Variants in DCDC1 observed in about 807,000 individuals in gnomAD.
DCDC1 encodes the protein doublecortin domain containing 1.
In DCDC1, 200 loss-of-function variants were observed where a neutral mutation model predicts 178.3. The ratio of observed to expected loss-of-function variants is 1.12; its 90% confidence interval spans 1.00 to 1.26. DCDC1 has a LOEUF of 1.26. Among genes scored for constraint, DCDC1 ranks in the 50% most tolerant of loss-of-function variants. DCDC1 has a pLI of 0.00. For missense variants in DCDC1, 1,983 were observed against 1,749.2 expected, an observed-to-expected ratio of 1.13 and a Z score of -2.38; for synonymous variants, 690 against 604.8, an observed-to-expected ratio of 1.14 and a Z score of -2.07.
At chr11:30,891,553 C>A (rs1943776877) in intron 36 of DCDC1, among the ~76,000 whole-genome samples, 1 of 152,132 alleles carries the variant, frequency 6.6e-6, no homozygotes, top group African/African-American at 2.4e-5. Flanking sequence ...TACTTAAGTG[C>A]ATTTTAACAC....
intron 8 of DCDC1, among the ~76,000 whole-genome samples, chr11:31,259,980 A>G (rs1468440920): frequency 6.6e-6 from 1 of 152,050 alleles, no homozygotes; most frequent in African/African-American, 2.4e-5. Context: ...AATGTGCTGG[A>G]TATGTTGTTG....
intron 9 of DCDC1, among the ~76,000 whole-genome samples, chr11:31,163,633 G>GTA (rs1332706713): frequency 6.6e-6 from 1 of 152,126 alleles, no homozygotes; most frequent in Admixed American, 6.5e-5. Flanking sequence ...GCCTGAAATA[G>GTA]TATAAAACCC....
intron 20 of DCDC1, among the ~76,000 whole-genome samples, chr11:31,033,378 A>G (rs1953799672): frequency 6.6e-6 from 1 of 152,082 alleles, no homozygotes; most frequent in Non-Finnish European, 1.5e-5. Flanking sequence ...AGGTCATTTA[A>G]CATCTATCCT....
At chr11:31,191,906 A>G (rs1439519283) in intron 9 of DCDC1, among the ~76,000 whole-genome samples, 5 of 152,058 alleles carry the variant, frequency 3.3e-5, no homozygotes, top group African/African-American at 4.8e-5. Context: ...AAAGAAGTTT[A>G]TATTACGAAT....
At chr11:31,071,328 C>G (rs951925258) in intron 18 of DCDC1, among the ~76,000 whole-genome samples, 3 of 152,110 alleles carry the variant, frequency 2.0e-5, no homozygotes, top group African/African-American at 7.2e-5. Context: ...CTAAGTAGTA[C>G]TATAATGGAC....
At chr11:31,072,617 C>T (rs1956636829) in intron 18 of DCDC1, among the ~76,000 whole-genome samples, 1 of 151,954 alleles carries the variant, frequency 6.6e-6, no homozygotes, top group South Asian at 2.1e-4. Flanking sequence ...TTTAATTTAG[C>T]TGAAACTATG....
chr11:30,873,364 T>TATAGAG (rs1228106379), intron 38 of DCDC1, among the ~76,000 whole-genome samples: 8 of 137,086 alleles, frequency 5.8e-5, no homozygotes, highest in African/African-American at 1.9e-4. Flanking sequence ...TATATATATA[T>TATAGAG]AGAGAGAGAG....
intron 9 of DCDC1, among the ~76,000 whole-genome samples, chr11:31,216,394 A>G (rs1973566744): frequency 6.6e-6 from 1 of 152,176 alleles, no homozygotes; most frequent in African/African-American, 2.4e-5. Flanking sequence ...TTCAGAATCC[A>G]TGAAGGTGCT....
chr11:31,182,897 T>C (rs1175661967), intron 9 of DCDC1, among the ~76,000 whole-genome samples: 1 of 150,906 alleles, frequency 6.6e-6, no homozygotes, highest in Non-Finnish European at 1.5e-5. Context: ...AATAAAGGGA[T>C]GGAGGAATAC....
In DCDC1 at chr11:30,993,504, C is replaced by T. The variant is rs138644979; in HGVS notation, c.2592-40936G>A. ...GAGCATAGGTCAATGAAATTGAAAA[C>T]CAATGAACAACAGAGAAAATCAATG... On this transcript the variant is annotated intron_variant, in intron 20 of 38. Coordinates refer to ENST00000684477, the MANE Select transcript of DCDC1 (RefSeq NM_001387274.1). 8.7e-3 allele frequency among the ~76,000 whole-genome samples: 1,326 copies of T among 151,960 alleles called. 31 individuals carry two copies. Among genetic ancestry groups the T allele is most frequent in the Admixed American group, 0.041 (625 of 15,226 alleles).
rs1948461921 is a variant in DCDC1, at chr11:31,306,405, A to C, written c.435-17T>G. ...TCTGCAACCCTGAAGAAAAAGAAAA[A>C]CAGAAAAATTGATGCATGCTAATTA... is the stretch of plus-strand genomic sequence containing the variant. On this transcript the variant is annotated splice_polypyrimidine_tract_variant and intron_variant, in intron 4 of 38. Transcript: ENST00000684477. 4 of 1,574,026 alleles carry C rather than the reference A, an allele frequency of 2.5e-6. No individual in the cohort carries two copies. The highest frequency in any genetic ancestry group is 3.4e-6 in the Non-Finnish European group (4 of 1,166,424).
Position 30,920,941 on chromosome 11 carries a change from C to T in DCDC1, c.3134-6G>A. On this transcript the variant is annotated splice_polypyrimidine_tract_variant and splice_region_variant and intron_variant, in intron 24 of 38. Transcript: ENST00000684477. ...TTGGACTTCTAAAACAAGAGCTGAG[C>T]AGAAATTCACAAATTGCAAAGACAT... is the stretch of plus-strand genomic sequence containing the variant. 3 of 1,604,252 alleles carry T rather than the reference C, an allele frequency of 1.9e-6. No homozygotes were observed. Among genetic ancestry groups the T allele is most frequent in the Non-Finnish European group, 2.6e-6 (3 of 1,174,732 alleles).
At chr11:31,160,106 C>T (rs1966159172) in intron 9 of DCDC1, among the ~76,000 whole-genome samples, 1 of 152,188 alleles carries the variant, frequency 6.6e-6, no homozygotes, top group East Asian at 1.9e-4. Flanking sequence ...TCATTTGAGG[C>T]TTTCCTTCAT....
intron 27 of DCDC1, among the ~76,000 whole-genome samples, chr11:30,913,701 G>T (rs1945621190): frequency 6.6e-6 from 1 of 152,190 alleles, no homozygotes; most frequent in African/African-American, 2.4e-5. Context: ...GTTATACATG[G>T]TTAGATTTTC....
At chr11:31,211,793 A>G (rs1209055329) in intron 9 of DCDC1, among the ~76,000 whole-genome samples, 2 of 152,172 alleles carry the variant, frequency 1.3e-5, no homozygotes, top group African/African-American at 4.8e-5. Context: ...TTTAAAAAAA[A>G]GCTAAGCAGC....
rs114884535 is a variant in DCDC1, at chr11:31,097,141, C to T, written c.1984-2957G>A. Among the ~76,000 whole-genome samples the T allele has an allele frequency of 5.3e-3, 801 of 152,316 alleles. 10 individuals are homozygous for T. The highest frequency in any genetic ancestry group is 0.018 in the African/African-American group (765 of 41,568). On this transcript the variant is annotated intron_variant, in intron 15 of 38. Transcript: ENST00000684477. ...AATTTTGTTTTCTGAATAAACTGTG[C>T]TGATGTAGAAGCAGTCAATGATAAA...
At chr11:31,194,229 G>C (rs1054971206) in intron 9 of DCDC1, among the ~76,000 whole-genome samples, 9 of 152,064 alleles carry the variant, frequency 5.9e-5, no homozygotes, top group African/African-American at 1.9e-4. Flanking sequence ...ATTACTTCTT[G>C]TTGTGCCACT....
intron 8 of DCDC1, among the ~76,000 whole-genome samples, chr11:31,242,820 GTTATGCAT>G (rs1977332451): frequency 6.6e-6 from 1 of 151,862 alleles, no homozygotes; most frequent in African/African-American, 2.4e-5. Flanking sequence ...TGGTAAAAAA[GTTATGCAT>G]TTTATGGCAC....
At chr11:31,301,913 C>T (rs1178966537) in intron 6 of DCDC1, among the ~76,000 whole-genome samples, 1 of 152,106 alleles carries the variant, frequency 6.6e-6, no homozygotes, top group African/African-American at 2.4e-5. Flanking sequence ...ATCAAGAACT[C>T]CTTTCATGCA....
Sources: allele counts gnomAD v4.1 joint callset (sites outside exome capture counted in the v4.1 genomes callset), GRCh38; gene constraint gnomAD v4.1.1; transcripts MANE v1.5; gene names NCBI Gene and HGNC (gene_info 2026-07-23, HGNC 2026-07-21).